Variants in NT5DC1 observed in about 807,000 individuals in gnomAD.
The protein encoded by NT5DC1 is 5'-nucleotidase domain-containing protein 1.
A neutral mutation model predicts 59.4 loss-of-function variants in NT5DC1; 42 were observed. That is an observed-to-expected ratio of 0.71 (90% CI 0.55 to 0.92). The LOEUF (loss-of-function observed/expected upper bound fraction) is 0.92. Among genes scored for constraint, NT5DC1 ranks in the 40% least tolerant of loss-of-function variants. NT5DC1 has a pLI of 0.00. For missense variants in NT5DC1, 501 were observed against 537.1 expected (o/e 0.93, Z 0.66); for synonymous variants, 172 against 188.1 (o/e 0.91, Z 0.70).
intron 6 of NT5DC1, among the ~76,000 whole-genome samples, chr6:116,214,896 T>C (rs1781660622): frequency 6.6e-6 from 1 of 152,058 alleles, no homozygotes; most frequent in African/African-American, 2.4e-5. Context: ...TAAACGGTCC[T>C]TTGAAGCTGC....
intron 4 of NT5DC1, among the ~76,000 whole-genome samples, chr6:116,111,691 T>C (rs1778878750): frequency 6.6e-6 from 1 of 152,232 alleles, no homozygotes; most frequent in South Asian, 2.1e-4. Context: ...TTACTCCTTG[T>C]TCCTATTGTG....
chr6:116,117,521 C>T lies in NT5DC1; in HGVS notation c.445-340C>T, dbSNP rs1778988516. On this transcript the variant is annotated intron_variant, in intron 5 of 11. Transcript: ENST00000319550. ...TTAATACACCTAGTTTACTGAACAT[C>T]ATAGCTTAGCCTAGCTTATCTTAAA... 2.0e-5 allele frequency among the ~76,000 whole-genome samples: 3 copies of T among 152,164 alleles called. No homozygotes were observed. The South Asian group carries it at 6.2e-4, about 31-fold the overall frequency.
In NT5DC1 at chr6:116,163,806, C is replaced by G. The variant is rs185746172; in HGVS notation, c.529+45861C>G. The stretch of plus-strand genomic sequence containing the variant: ...GCTGTATCCTAGATTTGATATGTTA[C>G]ATGTCTATATTCATTTCCAATTCTT... On this transcript the variant is annotated intron_variant, in intron 6 of 11. Coordinates refer to ENST00000319550, the MANE Select transcript of NT5DC1 (RefSeq NM_152729.3). 2.6e-5 allele frequency among the ~76,000 whole-genome samples: 4 copies of G among 152,250 alleles called. No homozygotes were observed. In the East Asian group the frequency reaches 7.7e-4, roughly 29 times the overall value.
intron 2 of NT5DC1, among the ~76,000 whole-genome samples, chr6:116,108,090 T>G (rs991078141): frequency 5.9e-5 from 9 of 152,212 alleles, no homozygotes; most frequent in Non-Finnish European, 8.8e-5. Context: ...TTTTCTCTTT[T>G]GAGTTTTAGA....
intron 7 of NT5DC1, among the ~76,000 whole-genome samples, chr6:116,221,436 C>G (rs74738218): frequency 3.9e-5 from 6 of 152,088 alleles, no homozygotes; most frequent in Non-Finnish European, 8.8e-5. Context: ...TTATTGGGGA[C>G]CAGTATGCTC....
At chr6:116,162,024 G>A (rs1019778238) in intron 6 of NT5DC1, among the ~76,000 whole-genome samples, 46 of 152,064 alleles carry the variant, frequency 3.0e-4, no homozygotes, top group African/African-American at 1.1e-3. Flanking sequence ...GATAGTCTAT[G>A]TTTTTTTATG....
chr6:116,178,735 T>C (rs1057130550), intron 6 of NT5DC1, among the ~76,000 whole-genome samples: 3 of 152,208 alleles, frequency 2.0e-5, no homozygotes, highest in African/African-American at 4.8e-5. Context: ...ATAAAACCTC[T>C]TGATTGATGC....
chr6:116,210,216 A>G (rs776987328), intron 6 of NT5DC1, among the ~76,000 whole-genome samples: 1 of 152,032 alleles, frequency 6.6e-6, no homozygotes, highest in Non-Finnish European at 1.5e-5. Flanking sequence ...TGCTTAAAAG[A>G]CTTTCCACAT....
chr6:116,120,387 T>TA (rs1286621952), intron 6 of NT5DC1: 1 of 1,614,278 alleles, frequency 6.2e-7, no homozygotes, highest in Non-Finnish European at 8.5e-7. Context: ...TGTTGCCTGT[T>TA]ATACAAAATT....
At chr6:116,197,151 C>CT (rs1037436002) in intron 6 of NT5DC1, among the ~76,000 whole-genome samples, 10 of 151,862 alleles carry the variant, frequency 6.6e-5, no homozygotes, top group Non-Finnish European at 1.5e-4. Flanking sequence ...CTCCTCACCT[C>CT]TACTATCTTC....
chr6:116,157,632 C>T (rs1339203137), intron 6 of NT5DC1, among the ~76,000 whole-genome samples: 1 of 152,108 alleles, frequency 6.6e-6, no homozygotes, highest in Non-Finnish European at 1.5e-5. Flanking sequence ...TTACATGAAA[C>T]CACAAGAGAG....
chr6:116,106,202 T>C (rs749726484), intron 1 of NT5DC1, 42 bp from the exon 2 acceptor site: 5 of 926,108 alleles, frequency 5.4e-6, no homozygotes, highest in Non-Finnish European at 7.2e-6. Context: ...GAATGAATAG[T>C]GGGTGTTATA....
intron 6 of NT5DC1, among the ~76,000 whole-genome samples, chr6:116,131,972 A>C (rs1041658769): frequency 6.6e-6 from 1 of 152,206 alleles, no homozygotes; most frequent in Non-Finnish European, 1.5e-5. Context: ...AATGGCCTCC[A>C]GCACCACATG....
At chr6:116,156,412 A>C (rs1204210908) in intron 6 of NT5DC1, among the ~76,000 whole-genome samples, 1 of 152,184 alleles carries the variant, frequency 6.6e-6, no homozygotes, top group Non-Finnish European at 1.5e-5. Context: ...GTTGAAAAAA[A>C]TGTGTTCCAT....
chr6:116,184,064 G>C (rs1780940384), intron 6 of NT5DC1, among the ~76,000 whole-genome samples: 1 of 151,970 alleles, frequency 6.6e-6, no homozygotes, highest in Admixed American at 6.6e-5. Context: ...ATTACCTTGA[G>C]GTATGTCCCT....
chr6:116,223,231 A>G, intron 8 of NT5DC1, 100 bp downstream of exon 8: 1 of 624,206 alleles, frequency 1.6e-6, no homozygotes, highest in Non-Finnish European at 2.9e-6. Context: ...CTTTCCTCTC[A>G]TGGGGAAGAA....
At chr6:116,150,197 T>C (rs1459324620) in intron 6 of NT5DC1, among the ~76,000 whole-genome samples, 1 of 152,224 alleles carries the variant, frequency 6.6e-6, no homozygotes, top group Non-Finnish European at 1.5e-5. Flanking sequence ...TTTAAAACAT[T>C]ACTATGGCTT....
chr6:116,180,673 T>C (rs150445224), intron 6 of NT5DC1, among the ~76,000 whole-genome samples: 28 of 152,204 alleles, frequency 1.8e-4, no homozygotes, highest in African/African-American at 6.5e-4. Flanking sequence ...TAATTACCAG[T>C]TCATAGGAAC....
At chr6:116,240,954 G>T (rs560620466) in intron 11 of NT5DC1, among the ~76,000 whole-genome samples, 67 of 152,106 alleles carry the variant, frequency 4.4e-4, no homozygotes, top group African/African-American at 1.5e-3. Context: ...GACCAGTCTG[G>T]CCAACATGGT....
Sources: gnomAD v4.1 joint callset for allele counts (sites outside exome capture counted in the v4.1 genomes callset) on GRCh38, gnomAD v4.1.1 for gene constraint, MANE v1.5 for transcripts, NCBI Gene and HGNC (gene_info 2026-07-23, HGNC 2026-07-21) for gene names.